Variants in NCKAP5 observed in about 807,000 individuals in gnomAD.
The protein encoded by NCKAP5 is NCK associated protein 5, also known as nck-associated protein 5.
A neutral mutation model predicts 167.0 loss-of-function variants in NCKAP5; 92 were observed. That is an observed-to-expected ratio of 0.55 (90% CI 0.47 to 0.66). The LOEUF (loss-of-function observed/expected upper bound fraction) is 0.66, where lower values mean the gene tolerates loss of function less well. Ranked by LOEUF, NCKAP5 falls within the 30% of genes least tolerant of loss-of-function variation. The pLI is 0.00. For synonymous variants in NCKAP5, 891 were observed against 877.4 expected (o/e 1.02, Z -0.27); for missense variants, 2,378 against 2,315.0 (o/e 1.03, Z -0.56).
intron 18 of NCKAP5, among the ~76,000 whole-genome samples, chr2:132,727,215 C>A (rs1298395964): frequency 6.6e-6 from 1 of 151,728 alleles, no homozygotes; most frequent in South Asian, 2.1e-4. Flanking sequence ...GCAAGAGTAA[C>A]TTTTTTTTTC....
the NCKAP5 span, among the ~76,000 whole-genome samples, chr2:133,659,814 TGA>T: frequency 6.6e-6 from 1 of 152,124 alleles, no homozygotes; most frequent in African/African-American, 2.4e-5. Context: ...AAAATTTAAA[TGA>T]GAGTATATAC....
At chr2:132,908,632 A>C (rs902213609) in intron 8 of NCKAP5, among the ~76,000 whole-genome samples, 1 of 152,186 alleles carries the variant, frequency 6.6e-6, no homozygotes, top group African/African-American at 2.4e-5. Flanking sequence ...AAAATGCAGG[A>C]GGTGACATTT....
intron 2 of NCKAP5, among the ~76,000 whole-genome samples, chr2:133,545,520 T>C (rs1171021479): frequency 6.6e-6 from 1 of 152,060 alleles, no homozygotes; most frequent in Non-Finnish European, 1.5e-5. Context: ...TGATACAGAG[T>C]TTGATAGGCT....
At chr2:133,156,740 G>T (rs1359117384) in intron 5 of NCKAP5, among the ~76,000 whole-genome samples, 1 of 152,022 alleles carries the variant, frequency 6.6e-6, no homozygotes, top group Non-Finnish European at 1.5e-5. Flanking sequence ...CTCCTAACCT[G>T]CTTCCTTGCC....
At chr2:132,737,205 A>AT (rs1691609002) in intron 16 of NCKAP5, among the ~76,000 whole-genome samples, 1 of 152,188 alleles carries the variant, frequency 6.6e-6, no homozygotes. Flanking sequence ...ATCTCGGTAC[A>AT]CCTGGAACCC....
chr2:132,750,574 A>G (rs977588963), intron 16 of NCKAP5, among the ~76,000 whole-genome samples: 2 of 152,184 alleles, frequency 1.3e-5, no homozygotes, highest in African/African-American at 4.8e-5. Flanking sequence ...ATAGCATGGG[A>G]AAAGATCATA....
intron 16 of NCKAP5, among the ~76,000 whole-genome samples, chr2:132,741,144 C>T (rs1361618605): frequency 6.6e-6 from 1 of 152,060 alleles, no homozygotes; most frequent in African/African-American, 2.4e-5. Flanking sequence ...AAAACTCCTT[C>T]ATGTGCTTCT....
intron 4 of NCKAP5, among the ~76,000 whole-genome samples, chr2:133,285,085 C>A (rs2090060002): frequency 6.6e-6 from 1 of 152,128 alleles, no homozygotes; most frequent in South Asian, 2.1e-4. Flanking sequence ...ATGATCTTCC[C>A]AAGCCACCCT....
At chr2:133,017,373 A>G (rs1310563116) in intron 6 of NCKAP5, among the ~76,000 whole-genome samples, 1 of 152,222 alleles carries the variant, frequency 6.6e-6, no homozygotes, top group Non-Finnish European at 1.5e-5. Context: ...GTCAGGGTTT[A>G]GAAGTATAAT....
the NCKAP5 span, among the ~76,000 whole-genome samples, chr2:133,621,405 A>T: frequency 6.6e-6 from 1 of 152,112 alleles, no homozygotes; most frequent in Non-Finnish European, 1.5e-5. Flanking sequence ...GAGAAAGAAG[A>T]TCCAAATAAG....
the NCKAP5 span, among the ~76,000 whole-genome samples, chr2:133,602,888 C>T: frequency 6.6e-6 from 1 of 152,112 alleles, no homozygotes; most frequent in Non-Finnish European, 1.5e-5. Flanking sequence ...TGCTGAATGT[C>T]AGGGCAGTAG....
At chr2:132,971,916 C>T (rs2076846840) in intron 7 of NCKAP5, among the ~76,000 whole-genome samples, 1 of 152,214 alleles carries the variant, frequency 6.6e-6, no homozygotes, top group African/African-American at 2.4e-5. Context: ...GAGAACACTA[C>T]AGGTAATTCT....
At chr2:133,601,583 A>G in the NCKAP5 span, among the ~76,000 whole-genome samples, 3 of 152,174 alleles carry the variant, frequency 2.0e-5, no homozygotes, top group Non-Finnish European at 4.4e-5. Flanking sequence ...AAATAAAAAA[A>G]TTAGCCAGTC....
rs776527280 is a variant in NCKAP5, at chr2:132,878,916, C to T, written c.580G>A (p.Ala194Thr). 1 of 1,611,618 alleles carries T rather than the reference C, an allele frequency of 6.2e-7. No individual in the cohort carries two copies. Among genetic ancestry groups the T allele is most frequent in the Non-Finnish European group, 8.5e-7 (1 of 1,177,756 alleles). Residue 194 changes from alanine (A) to threonine (T), a missense_variant and splice_region_variant, in exon 9 of 20, where the codon GCA becomes ACA. Coordinates refer to ENST00000409261, the MANE Select transcript of NCKAP5 (RefSeq NM_207363.3). ...TCCAAAGCCAACGCTGAATTCTCTG[C>T]CTGCAGTAAGATACAAAAATAACAC... ...LLLERLKALEAENSALALENE... is the reference protein window; with the variant it reads ...LLLERLKALETENSALALENE...
intron 19 of NCKAP5, among the ~76,000 whole-genome samples, chr2:132,713,591 C>G (rs1689067636): frequency 6.6e-6 from 1 of 152,066 alleles, no homozygotes. Flanking sequence ...GATCCTGTGG[C>G]CTTGCCTTCT....
Position 133,271,502 on chromosome 2 carries a change from G to T in NCKAP5, c.143+31535C>A, listed in dbSNP as rs114417635. On this transcript the variant is annotated intron_variant, in intron 4 of 19. Coordinates refer to ENST00000409261, the MANE Select transcript of NCKAP5 (RefSeq NM_207363.3). The stretch of plus-strand genomic sequence containing the variant: ...TAATCTGAGTCTGAGCAAGGCCTTT[G>T]CTATAATTCCCACCTTACAGGAAAT... 3.7e-3 allele frequency among the ~76,000 whole-genome samples: 559 copies of T among 152,240 alleles called. 14 individuals carry two copies. In the South Asian group the frequency reaches 0.057, roughly 15 times the overall value.
At chr2:133,046,557 T>C (rs2079407555) in intron 6 of NCKAP5, among the ~76,000 whole-genome samples, 1 of 152,064 alleles carries the variant, frequency 6.6e-6, no homozygotes, top group Non-Finnish European at 1.5e-5. Flanking sequence ...TTTTTAATTT[T>C]TTATAGAGAC....
chr2:133,150,172 T>A lies in NCKAP5; in HGVS notation c.208-20061A>T, dbSNP rs145221314. Among the ~76,000 whole-genome samples the A allele has an allele frequency of 6.2e-4, 94 of 152,304 alleles. 1 individual carries two copies. Among genetic ancestry groups the A allele is most frequent in the African/African-American group, 2.1e-3 (86 of 41,562 alleles). On this transcript the variant is annotated intron_variant, in intron 5 of 19. Transcript: ENST00000409261. ...AATATAAAATGGACAATTCCAGAAATAAACAATTCATAATTTTTAAATTGT... is the reference window on the plus strand; with the variant it reads ...AATATAAAATGGACAATTCCAGAAAAAAACAATTCATAATTTTTAAATTGT...
chr2:133,277,352 T>C (rs750594332), intron 4 of NCKAP5, among the ~76,000 whole-genome samples: 13 of 152,174 alleles, frequency 8.5e-5, no homozygotes, highest in African/African-American at 1.4e-4. Context: ...AGTCAGTTGC[T>C]TTCACAGACA....
Sources: allele counts gnomAD v4.1 joint callset (sites outside exome capture counted in the v4.1 genomes callset), GRCh38; gene constraint gnomAD v4.1.1; transcripts MANE v1.5; gene names NCBI Gene and HGNC (gene_info 2026-07-23, HGNC 2026-07-21).